The following XRCC4 variants were observed in gnomAD, a reference collection of about 807,000 sequenced individuals.
XRCC4 encodes the protein DNA repair protein XRCC4.
A neutral mutation model predicts 39.1 loss-of-function variants in XRCC4; 28 were observed. That is an observed-to-expected ratio of 0.72 (90% CI 0.53 to 0.98). The LOEUF is 0.98. Among genes scored for constraint, XRCC4 ranks in the 50% least tolerant of loss-of-function variants. The probability of loss-of-function intolerance (pLI) is 0.00; values close to 1 mark genes in which losing one functional copy is unlikely to be tolerated. For missense variants in XRCC4, 350 were observed against 376.4 expected, an observed-to-expected ratio of 0.93 and a Z score of 0.58; for synonymous variants, 123 against 126.4, an observed-to-expected ratio of 0.97 and a Z score of 0.18.
intron 3 of XRCC4, among the ~76,000 whole-genome samples, chr5:83,138,138 G>A (rs1747989532): frequency 6.6e-6 from 1 of 152,068 alleles, no homozygotes; most frequent in Admixed American, 6.6e-5. Flanking sequence ...TGATGCCATT[G>A]GGGTGATGTT....
intron 4 of XRCC4, among the ~76,000 whole-genome samples, chr5:83,198,814 T>C (rs1263191748): frequency 6.6e-6 from 1 of 152,186 alleles, no homozygotes. Flanking sequence ...TGTTCTTGGC[T>C]CCATTTTGAA....
In XRCC4 at chr5:83,175,721, G is replaced by C. The variant is rs535643820; in HGVS notation, c.316-20049G>C. On this transcript the variant is annotated intron_variant, in intron 3 of 7. Coordinates refer to ENST00000396027, the MANE Select transcript of XRCC4 (RefSeq NM_003401.5). ...CCTCCTGGGTTCAATCGATTCTCCT[G>C]CCTTATCCTCCTAAGTAGCTGGGAC... Among the ~76,000 whole-genome samples, 16 of 152,212 alleles carry C rather than the reference G, an allele frequency of 1.1e-4. 1 individual carries two copies. The South Asian group carries it at 3.3e-3, about 32-fold the overall frequency.
chr5:83,091,942 T>C (rs1745447559), intron 1 of XRCC4, among the ~76,000 whole-genome samples: 1 of 152,214 alleles, frequency 6.6e-6, no homozygotes, highest in African/African-American at 2.4e-5. Flanking sequence ...CTCCATACTG[T>C]TTCCCGTAAT....
At chr5:83,184,642 A>G (rs1750355074) in intron 3 of XRCC4, among the ~76,000 whole-genome samples, 1 of 152,158 alleles carries the variant, frequency 6.6e-6, no homozygotes, top group Admixed American at 6.5e-5. Flanking sequence ...TGAGTATCCC[A>G]TAGCATGATA....
intron 6 of XRCC4, among the ~76,000 whole-genome samples, chr5:83,207,996 T>C (rs991706942): frequency 7.2e-4 from 109 of 152,192 alleles, no homozygotes; most frequent in Non-Finnish European, 7.4e-5. Flanking sequence ...TGGGGATTAA[T>C]ACATTTATTC....
chr5:83,121,244 C>G (rs1432748440), intron 3 of XRCC4, among the ~76,000 whole-genome samples: 1 of 152,112 alleles, frequency 6.6e-6, no homozygotes, highest in African/African-American at 2.4e-5. Context: ...AATAAAGCTG[C>G]TATGAACATT....
chr5:83,318,418 CCT>C (rs1291841281), intron 7 of XRCC4, among the ~76,000 whole-genome samples: 2 of 117,456 alleles, frequency 1.7e-5, no homozygotes, highest in Non-Finnish European at 3.2e-5. Flanking sequence ...TCAAATTGTC[CCT>C]GTTTGCAGAC....
At chr5:83,124,568 A>G (rs536823799) in intron 3 of XRCC4, among the ~76,000 whole-genome samples, 3 of 152,092 alleles carry the variant, frequency 2.0e-5, no homozygotes, top group Non-Finnish European at 2.9e-5. Flanking sequence ...TTTTTTGGCT[A>G]TTAGAAAGCT....
At chr5:83,112,056 A>G (rs1746468152) in intron 3 of XRCC4, among the ~76,000 whole-genome samples, 1 of 152,218 alleles carries the variant, frequency 6.6e-6, no homozygotes, top group Non-Finnish European at 1.5e-5. Context: ...AAACATTTGT[A>G]GAAACAAATG....
At chr5:83,248,836 C>A (rs541696127) in intron 6 of XRCC4, among the ~76,000 whole-genome samples, 1 of 151,878 alleles carries the variant, frequency 6.6e-6, no homozygotes, top group Non-Finnish European at 1.5e-5. Context: ...AAAATAAAAA[C>A]CTTACGAGAT....
chr5:83,303,426 G>A (rs1003217742), intron 7 of XRCC4, among the ~76,000 whole-genome samples: 1 of 152,076 alleles, frequency 6.6e-6, no homozygotes, highest in Non-Finnish European at 1.5e-5. Flanking sequence ...CCTGTAGTGT[G>A]GGAGCCATCA....
At chr5:83,187,708 T>C (rs1750516298) in intron 3 of XRCC4, among the ~76,000 whole-genome samples, 2 of 152,202 alleles carry the variant, frequency 1.3e-5, no homozygotes, top group African/African-American at 2.4e-5. Context: ...CAGAAGTTTC[T>C]GGGATGATAA....
intron 1 of XRCC4, among the ~76,000 whole-genome samples, chr5:83,092,579 A>G (rs1335322444): frequency 2.6e-5 from 4 of 152,032 alleles, no homozygotes; most frequent in African/African-American, 7.3e-5. Flanking sequence ...TTGCAACCAC[A>G]GCTACAATAA....
chr5:83,096,040 G>T (rs1405678995), intron 1 of XRCC4, among the ~76,000 whole-genome samples: 1 of 151,880 alleles, frequency 6.6e-6, no homozygotes, highest in Non-Finnish European at 1.5e-5. Flanking sequence ...CTGTGGCAGG[G>T]AGGGGTTGGA....
At chr5:83,186,877 ATTGTC>A (rs1750464258) in intron 3 of XRCC4, among the ~76,000 whole-genome samples, 1 of 151,510 alleles carries the variant, frequency 6.6e-6, no homozygotes, top group African/African-American at 2.4e-5. Flanking sequence ...AGGAGAACCC[ATTGTC>A]TTGTCTTTCC....
intron 3 of XRCC4, among the ~76,000 whole-genome samples, chr5:83,164,223 T>G (rs184667828): frequency 1.3e-5 from 2 of 152,120 alleles, no homozygotes; most frequent in African/African-American, 4.8e-5. Context: ...TACCATAGAA[T>G]TAAAAACTCT....
intron 1 of XRCC4, among the ~76,000 whole-genome samples, chr5:83,089,539 G>A (rs1193436839): frequency 6.6e-6 from 1 of 152,146 alleles, no homozygotes; most frequent in Non-Finnish European, 1.5e-5. Context: ...TCTAGGGTTA[G>A]TGTCAGATCC....
chr5:83,250,799 G>A (rs28360218), intron 6 of XRCC4, among the ~76,000 whole-genome samples: 3,539 of 152,194 alleles, frequency 0.023, 128 homozygotes, highest in African/African-American at 0.081. Context: ...TTCAAAAAAA[G>A]CATCTATATA....
intron 3 of XRCC4, among the ~76,000 whole-genome samples, chr5:83,158,063 G>A (rs1289128714): frequency 1.3e-5 from 2 of 151,984 alleles, no homozygotes; most frequent in Non-Finnish European, 2.9e-5. Context: ...ATTGTTATGA[G>A]GAAGCACTCC....
Sources: gnomAD v4.1 joint callset for allele counts (sites outside exome capture counted in the v4.1 genomes callset) on GRCh38, gnomAD v4.1.1 for gene constraint, MANE v1.5 for transcripts, NCBI Gene and HGNC (gene_info 2026-07-23, HGNC 2026-07-21) for gene names.